Variants in PAQR5 observed in about 807,000 individuals in gnomAD.
The protein encoded by PAQR5 is progestin and adipoQ receptor family member 5, also known as membrane progestin receptor gamma.
Under a neutral mutation model 34.5 loss-of-function variants are expected in PAQR5, and 20 were observed. The ratio of observed to expected loss-of-function variants is 0.58; its 90% CI spans 0.41 to 0.84. The LOEUF (loss-of-function observed/expected upper bound fraction) is 0.84. Among genes scored for constraint, PAQR5 ranks in the 40% least tolerant of loss-of-function variants. PAQR5 has a pLI of 0.00. For synonymous variants in PAQR5, 131 were observed against 155.6 expected (o/e 0.84, Z 1.18); for missense variants, 378 against 412.7 (o/e 0.92, Z 0.73).
At position 69,406,524 on chromosome 15, in the gene PAQR5, T is replaced by C. The variant is rs951809951; in HGVS notation, c.*2702T>C. The C allele has an allele frequency of 9.2e-5, 14 of 152,260 alleles. No individual in the cohort carries two copies. Among genetic ancestry groups the C allele is most frequent in the African/African-American group, 3.4e-4 (14 of 41,466 alleles). The allele number at this position is 152,260 out of a possible 1,614,324, so 9.4% of individuals were successfully genotyped here. Reference sequence around the variant, plus strand: ...AGCTCCTTGTTCTACTCTTCCCCTCTTCTCACTACTGCACTTGACTAGTCT... The same window carrying C: ...AGCTCCTTGTTCTACTCTTCCCCTCCTCTCACTACTGCACTTGACTAGTCT... On this transcript the variant is annotated 3_prime_UTR_variant, in exon 9 of 9. Coordinates refer to ENST00000395407, the MANE Select transcript of PAQR5 (RefSeq NM_017705.4).
At chr15:69,306,789 C>T (rs1046210429) in intron 1 of PAQR5, among the ~76,000 whole-genome samples, 3 of 152,140 alleles carry the variant, frequency 2.0e-5, no homozygotes, top group Non-Finnish European at 4.4e-5. Context: ...CATCTCCATA[C>T]CTTTTTATCA....
chr15:69,364,942 T>G (rs1177071324), intron 3 of PAQR5, among the ~76,000 whole-genome samples: 2 of 152,128 alleles, frequency 1.3e-5, no homozygotes, highest in Non-Finnish European at 2.9e-5. Flanking sequence ...TTCACTATCT[T>G]GGCCAGGCTG....
intron 1 of PAQR5, among the ~76,000 whole-genome samples, chr15:69,337,084 T>C (rs2054530427): frequency 1.3e-5 from 2 of 152,248 alleles, no homozygotes; most frequent in Non-Finnish European, 2.9e-5. Flanking sequence ...AGGAAACTTC[T>C]AGGACTCTCG....
In PAQR5 at chr15:69,300,638, TTTCTTTCTTTC is replaced by T. The variant is rs1187319615; in HGVS notation, c.-277+1585_-277+1595del. On this transcript the variant is annotated intron_variant, in intron 1 of 8. Transcript: ENST00000395407. The stretch of plus-strand genomic sequence containing the variant: ...CTTTCTTTCTTTCTTTCTTTCTTTC[TTTCTTTCTTTC>T]TTTTCTTTCTTTCTTTCATTCTTTC... Among the ~76,000 whole-genome samples, 4 of 37,646 alleles carry T rather than the reference TTTCTTTCTTTC, an allele frequency of 1.1e-4. 1 individual carries two copies. The highest frequency in any genetic ancestry group is 1.0e-3 in the South Asian group (1 of 1,000). 24.7% of individuals were successfully genotyped at this position (37,646 alleles called of 152,430 possible).
At chr15:69,382,906 T>C (rs1056340782) in intron 4 of PAQR5, 2 of 148,644 alleles carry the variant, frequency 1.3e-5, no homozygotes, top group Non-Finnish European at 3.0e-5. Flanking sequence ...CAAATGGAGA[T>C]AGATTCCAGG....
At chr15:69,355,336 C>T (rs185064172) in intron 2 of PAQR5, among the ~76,000 whole-genome samples, 61 of 16,478 alleles carry the variant, frequency 3.7e-3, no homozygotes, top group African/African-American at 0.012. Context: ...TTCTTTCTTT[C>T]TTTCTTTTTT....
At chr15:69,313,768 G>T (rs377687685) in intron 1 of PAQR5, among the ~76,000 whole-genome samples, 1 of 152,124 alleles carries the variant, frequency 6.6e-6, no homozygotes, top group South Asian at 2.1e-4. Context: ...ACCCTGGGGT[G>T]GGGGGGTGAC....
At chr15:69,300,773 C>CCT (rs200065159) in intron 1 of PAQR5, among the ~76,000 whole-genome samples, 3,022 of 15,726 alleles carry the variant, frequency 0.19, 1,029 homozygotes, top group Admixed American at 0.44. Flanking sequence ...TTCCTCCCTC[C>CCT]CTCTCTCTCT....
At chr15:69,382,736 A>G (rs1411426687) in intron 4 of PAQR5, 3 of 142,078 alleles carry the variant, frequency 2.1e-5, no homozygotes, top group Admixed American at 7.0e-5. Context: ...GTATATGTGT[A>G]TATATATATG....
chr15:69,314,648 C>G (rs1390558141), intron 1 of PAQR5: 1 of 152,396 alleles, frequency 6.6e-6, no homozygotes. Context: ...CAGCCGTGCT[C>G]TTGCAGGCTG....
At chr15:69,383,371 A>AGGGTGAGCGGGCCCTCCGTGCT (rs2055979150) in intron 4 of PAQR5, among the ~76,000 whole-genome samples, 1 of 23,744 alleles carries the variant, frequency 4.2e-5, no homozygotes. Flanking sequence ...GCCTTTGTGT[A>AGGGTGAGCGGGCCCTCCGTGCT]CATGGTGGAG....
intron 3 of PAQR5, among the ~76,000 whole-genome samples, chr15:69,374,414 G>A (rs1222687799): frequency 1.1e-4 from 16 of 152,142 alleles, no homozygotes; most frequent in East Asian, 1.9e-4. Flanking sequence ...AGTGGCTCAC[G>A]TCTGTAATCC....
chr15:69,350,433 A>G lies in PAQR5; in HGVS notation c.-115-9533A>G, dbSNP rs546849503. Among the ~76,000 whole-genome samples, 12 of 152,314 alleles carry G rather than the reference A, an allele frequency of 7.9e-5. No individual in the cohort carries two copies. The East Asian group carries it at 2.3e-3, about 29-fold the overall frequency. On this transcript the variant is annotated intron_variant, in intron 2 of 8. Transcript: ENST00000395407. ...CGATGCAGGCAGATAACTTGAGGTC[A>G]GGAGTTTGAGATCAGCCTGGCCAAC...
chr15:69,351,441 T>A (rs1342377732), intron 2 of PAQR5, among the ~76,000 whole-genome samples: 1 of 152,254 alleles, frequency 6.6e-6, no homozygotes, highest in Non-Finnish European at 1.5e-5. Context: ...TAACACATCT[T>A]CTGGTACCTG....
At chr15:69,370,883 A>C (rs1158666656) in intron 3 of PAQR5, among the ~76,000 whole-genome samples, 1 of 152,234 alleles carries the variant, frequency 6.6e-6, no homozygotes, top group African/African-American at 2.4e-5. Flanking sequence ...AGCTAAAGTC[A>C]GCAAAATATG....
In PAQR5 at chr15:69,384,672, TC is replaced by T. The variant is rs2056057991; in HGVS notation, c.180-3del. On this transcript the variant is annotated splice_polypyrimidine_tract_variant and splice_region_variant and intron_variant, in intron 4 of 8. Coordinates refer to ENST00000395407, the MANE Select transcript of PAQR5 (RefSeq NM_017705.4). ...TGGAGGGTGAGTGAGCCCTCTGTGT[TC>T]CAGGTTCTTTGCATGGAGGTTTGTG... The T allele has an allele frequency of 6.2e-7, 1 of 1,611,054 alleles. No homozygotes were observed.
At chr15:69,396,133 C>T (rs1379719493) in intron 6 of PAQR5, among the ~76,000 whole-genome samples, 1 of 151,092 alleles carries the variant, frequency 6.6e-6, no homozygotes, top group African/African-American at 2.4e-5. Flanking sequence ...CCTAACTGCC[C>T]AATGTGGAAG....
At chr15:69,380,408 G>A (rs563993818) in intron 4 of PAQR5, 2 of 182,168 alleles carry the variant, frequency 1.1e-5, no homozygotes, top group African/African-American at 4.7e-5. Context: ...CTGCAAAGCA[G>A]GAGTGATGGT....
intron 3 of PAQR5, among the ~76,000 whole-genome samples, chr15:69,364,302 T>G (rs891437043): frequency 2.0e-5 from 3 of 151,652 alleles, no homozygotes; most frequent in Admixed American, 2.0e-4. Flanking sequence ...CAGAATTACC[T>G]GGTAGCTTAT....
Sources: allele counts gnomAD v4.1 joint callset (sites outside exome capture counted in the v4.1 genomes callset), GRCh38; gene constraint gnomAD v4.1.1; transcripts MANE v1.5; gene names NCBI Gene and HGNC (gene_info 2026-07-23, HGNC 2026-07-21).